Variants in TNFSF8 observed in about 807,000 individuals in gnomAD.
The protein encoded by TNFSF8 is TNF superfamily member 8.
A neutral mutation model predicts 22.0 loss-of-function variants in TNFSF8; 4 were observed. The ratio of observed to expected loss-of-function variants is 0.18; its 90% CI spans 0.09 to 0.42. The LOEUF is 0.42. Ranked by LOEUF, TNFSF8 falls within the 10% of genes least tolerant of loss-of-function variation. TNFSF8 has a pLI of 1.00. For synonymous variants in TNFSF8, 106 were observed against 112.5 expected, an observed-to-expected ratio of 0.94 and a Z score of 0.37; for missense variants, 233 against 281.8, an observed-to-expected ratio of 0.83 and a Z score of 1.24.
In TNFSF8 at chr9:114,909,336, G is replaced by A. The variant is rs969250872; in HGVS notation, c.239-3437C>T. Among the ~76,000 whole-genome samples, 4 of 152,266 alleles carry A rather than the reference G, an allele frequency of 2.6e-5. No homozygotes were observed. The East Asian group carries it at 7.7e-4, about 29-fold the overall frequency. ...GGAATTCTGAAGGCTGGGAGCAGAGGGAGCAAAAAGTGATGCCTGGAGAGG... is the reference window on the plus strand; with the variant it reads ...GGAATTCTGAAGGCTGGGAGCAGAGAGAGCAAAAAGTGATGCCTGGAGAGG... On this transcript the variant is annotated intron_variant, in intron 2 of 3. Transcript: ENST00000223795.
At chr9:114,928,302 T>C (rs1429932366) in intron 1 of TNFSF8, among the ~76,000 whole-genome samples, 1 of 152,160 alleles carries the variant, frequency 6.6e-6, no homozygotes, top group Non-Finnish European at 1.5e-5. Context: ...GCTGCTTGCA[T>C]CAAGCAATCA....
chr9:114,915,929 T>G (rs1379497664), intron 2 of TNFSF8, among the ~76,000 whole-genome samples: 1 of 152,208 alleles, frequency 6.6e-6, no homozygotes, highest in Non-Finnish European at 1.5e-5. Context: ...TGGTTTTGAT[T>G]ACTTTGTGTT....
Position 114,904,159 on chromosome 9 carries a change from C to T in TNFSF8, c.477G>A (p.Lys159=). 2 of 1,614,138 alleles carry T rather than the reference C, an allele frequency of 1.2e-6. No homozygotes were observed. The highest frequency in any genetic ancestry group is 2.2e-5 in the South Asian group (2 of 91,086). ...TATGCTTGTTGATGAGAAGCTCCAA[C>T]TTCAGATCGACAGAATTATTTGGGC... The part of the protein sequence containing the change: ...VQCPNNSVDL[K]LELLINKHIK... The change falls in exon 4 of 4, where the codon AAG becomes AAA. Residue 159 remains lysine (K), a synonymous_variant. Transcript: ENST00000223795.
intron 2 of TNFSF8, among the ~76,000 whole-genome samples, chr9:114,916,786 A>G (rs1827924472): frequency 6.6e-6 from 1 of 152,216 alleles, no homozygotes. Flanking sequence ...CTACAACAGC[A>G]GAGCTGACTA....
Position 114,902,041 on chromosome 9 carries a change from G to A in TNFSF8, c.*1890C>T, listed in dbSNP as rs182319914. On this transcript the variant is annotated 3_prime_UTR_variant, in exon 4 of 4. Coordinates refer to ENST00000223795, the MANE Select transcript of TNFSF8 (RefSeq NM_001244.4). Reference sequence around the variant, plus strand: ...TTTTGCTCCATGTTTTGGTATAGCAGGGAAGCTTCCATCTTTTTTTACTGA... The same window carrying A: ...TTTTGCTCCATGTTTTGGTATAGCAAGGAAGCTTCCATCTTTTTTTACTGA... 4 of 985,230 alleles carry A rather than the reference G, an allele frequency of 4.1e-6. No homozygotes were observed. The highest frequency in any genetic ancestry group is 4.8e-6 in the Non-Finnish European group (4 of 829,930). 61.0% of individuals were successfully genotyped at this position (985,230 alleles called of 1,614,324 possible).
chr9:114,924,092 C>G (rs1432102863), intron 1 of TNFSF8, among the ~76,000 whole-genome samples: 1 of 152,074 alleles, frequency 6.6e-6, no homozygotes, highest in African/African-American at 2.4e-5. Context: ...AAAAAAAGGT[C>G]AATGTTATTT....
chr9:114,918,099 C>T lies in TNFSF8; in HGVS notation c.235G>A (p.Gly79Arg), dbSNP rs1454986444. Residue 79 changes from glycine (G) to arginine (R), a missense_variant, in exon 2 of 4, where the codon GGA becomes AGA. Physicochemically the swap from Gly to Arg is moderately radical, Grantham distance 125 (BLOSUM62 -2). Transcript: ENST00000223795. ...PNSPDNVPLK[G>R]GNCSEDLLCI... ...ACACCTAATTCCAAGATCTTACCTC[C>T]TTTGAGGGGGACGTTGTCAGGTGAG... 61 of 1,607,606 alleles carry T rather than the reference C, an allele frequency of 3.8e-5. No individual in the cohort carries two copies. The highest frequency in any genetic ancestry group is 1.7e-4 in the Middle Eastern group (1 of 6,026).
chr9:114,901,425 G>T lies in TNFSF8; in HGVS notation c.*2506C>A. The T allele has an allele frequency of 1.0e-6, 1 of 985,326 alleles. No homozygotes were observed. The highest frequency in any genetic ancestry group is 1.2e-6 in the Non-Finnish European group (1 of 829,924). 61.0% of individuals were successfully genotyped at this position (985,326 alleles called of 1,614,324 possible). On this transcript the variant is annotated 3_prime_UTR_variant, in exon 4 of 4. Coordinates refer to ENST00000223795, the MANE Select transcript of TNFSF8 (RefSeq NM_001244.4). ...CATTGCTTGACAGAGACTGAGATTA[G>T]AAACCACTCACAGTGCAAAAGTCAG...
chr9:114,927,590 T>C (rs571355280), intron 1 of TNFSF8, among the ~76,000 whole-genome samples: 32 of 152,320 alleles, frequency 2.1e-4, no homozygotes, highest in African/African-American at 7.5e-4. Flanking sequence ...TGGAAAAATA[T>C]ATTCTCTCCT....
chr9:114,901,783 A>G lies in TNFSF8; in HGVS notation c.*2148T>C, dbSNP rs1682351789. The G allele has an allele frequency of 1.0e-6, 1 of 982,794 alleles. No homozygotes were observed. Among genetic ancestry groups the G allele is most frequent in the South Asian group, 4.7e-5 (1 of 21,228 alleles). 60.9% of individuals were successfully genotyped at this position (982,794 alleles called of 1,614,324 possible). A position where few individuals can be genotyped will look rare whatever the true frequency, so the allele number is the denominator to read the frequency against. On this transcript the variant is annotated 3_prime_UTR_variant, in exon 4 of 4. Coordinates refer to ENST00000223795, the MANE Select transcript of TNFSF8 (RefSeq NM_001244.4). ...CAGAAAGAGTTAAAGAGAAATGTAGACTTTACTAAATATTTCATAGAGGAG... is the reference window on the plus strand; with the variant it reads ...CAGAAAGAGTTAAAGAGAAATGTAGGCTTTACTAAATATTTCATAGAGGAG...
chr9:114,899,148 G>A (rs1444120920), downstream of TNFSF8, among the ~76,000 whole-genome samples: 1 of 152,100 alleles, frequency 6.6e-6, no homozygotes, highest in Non-Finnish European at 1.5e-5. Flanking sequence ...CTAGCTGGAT[G>A]GACAAACATT....
At chr9:114,909,338 A>C (rs1229489111) in intron 2 of TNFSF8, among the ~76,000 whole-genome samples, 2 of 152,152 alleles carry the variant, frequency 1.3e-5, no homozygotes, top group Non-Finnish European at 2.9e-5. Flanking sequence ...GAGCAGAGGG[A>C]GCAAAAAGTG....
chr9:114,893,963 G>C, exon 5 of TNFSF8: 1 of 810,198 alleles, frequency 1.2e-6, no homozygotes. Context: ...CCGTTTCCTG[G>C]CTATGTCGGT....
At chr9:114,913,274 G>C (rs889909698) in intron 2 of TNFSF8, among the ~76,000 whole-genome samples, 1 of 152,184 alleles carries the variant, frequency 6.6e-6, no homozygotes. Context: ...GGGTGTTGGA[G>C]GCTACATTAC....
intron 2 of TNFSF8, among the ~76,000 whole-genome samples, chr9:114,917,061 C>T (rs909161896): frequency 6.6e-6 from 1 of 152,122 alleles, no homozygotes; most frequent in African/African-American, 2.4e-5. Context: ...TTTGAAGTCT[C>T]TGGGTGATAA....
At chr9:114,908,727 C>T (rs923743408) in intron 2 of TNFSF8, among the ~76,000 whole-genome samples, 9 of 151,994 alleles carry the variant, frequency 5.9e-5, no homozygotes, top group African/African-American at 1.7e-4. Flanking sequence ...CTTTAAAAAT[C>T]ATTTAGATGG....
intron 1 of TNFSF8, among the ~76,000 whole-genome samples, chr9:114,923,965 A>G (rs1320181027): frequency 6.6e-6 from 1 of 152,212 alleles, no homozygotes; most frequent in African/African-American, 2.4e-5. Context: ...ACGTATATAG[A>G]ATTACCTATA....
At position 114,929,278 on chromosome 9, in the gene TNFSF8, C is replaced by A. The variant is rs3181360; in HGVS notation, c.195+831G>T. 9.1e-4 allele frequency among the ~76,000 whole-genome samples: 139 copies of A among 151,916 alleles called. No homozygotes were observed. In the Middle Eastern group the frequency reaches 0.027, roughly 30 times the overall value. Reference sequence around the variant, plus strand: ...CTGACCCTGTACAGTGTGTACCCAACGATTGCTTAGTATTGTGAGGAACAT... The same window carrying A: ...CTGACCCTGTACAGTGTGTACCCAAAGATTGCTTAGTATTGTGAGGAACAT... On this transcript the variant is annotated intron_variant, in intron 1 of 3. Transcript: ENST00000223795.
At chr9:114,921,039 C>G (rs985120802) in intron 1 of TNFSF8, among the ~76,000 whole-genome samples, 1 of 152,188 alleles carries the variant, frequency 6.6e-6, no homozygotes, top group Non-Finnish European at 1.5e-5. Flanking sequence ...TTGAATAGCA[C>G]AGCTGTGAGA....
Sources: gnomAD v4.1 joint callset for allele counts (sites outside exome capture counted in the v4.1 genomes callset) on GRCh38, gnomAD v4.1.1 for gene constraint, MANE v1.5 for transcripts, NCBI Gene and HGNC (gene_info 2026-07-23, HGNC 2026-07-21) for gene names.